SLC9A9: variants seen among roughly 807,000 people sequenced by gnomAD.
SLC9A9 encodes sodium/hydrogen exchanger 9.
In SLC9A9, 62 loss-of-function variants were observed where a neutral mutation model predicts 77.8. The observed-to-expected ratio is 0.80, with a 90% CI of 0.65 to 0.98. SLC9A9 has a LOEUF of 0.98. SLC9A9 is among the 50% of genes least tolerant of loss of function. The probability of loss-of-function intolerance (pLI) is 0.00; values close to 1 mark genes in which losing one functional copy is unlikely to be tolerated. For missense variants in SLC9A9, 775 were observed against 774.9 expected, an observed-to-expected ratio of 1.00 and a Z score of 0.00; for synonymous variants, 320 against 283.5, an observed-to-expected ratio of 1.13 and a Z score of -1.29.
intron 12 of SLC9A9, among the ~76,000 whole-genome samples, chr3:143,394,599 C>T (rs1364911448): frequency 6.6e-6 from 1 of 152,114 alleles, no homozygotes; most frequent in African/African-American, 2.4e-5. Flanking sequence ...AAGTTCTGGC[C>T]AGGGCAATCA....
At chr3:143,693,782 T>A (rs1933549170) in intron 4 of SLC9A9, among the ~76,000 whole-genome samples, 2 of 152,144 alleles carry the variant, frequency 1.3e-5, no homozygotes, top group South Asian at 2.1e-4. Context: ...AGTCACTTTA[T>A]AATAGATGAG....
intron 6 of SLC9A9, among the ~76,000 whole-genome samples, chr3:143,641,258 T>C (rs1254685366): frequency 6.6e-6 from 1 of 152,144 alleles, no homozygotes; most frequent in African/African-American, 2.4e-5. Flanking sequence ...ACTTTACCAG[T>C]TTCCTAATAA....
intron 6 of SLC9A9, among the ~76,000 whole-genome samples, chr3:143,584,968 G>T (rs1303831653): frequency 6.6e-6 from 1 of 152,212 alleles, no homozygotes; most frequent in Non-Finnish European, 1.5e-5. Flanking sequence ...GCCTGGAGGA[G>T]GGCTGGGGAG....
chr3:143,844,997 CT>C (rs1218650196), intron 1 of SLC9A9, among the ~76,000 whole-genome samples: 1 of 152,084 alleles, frequency 6.6e-6, no homozygotes, highest in Non-Finnish European at 1.5e-5. Context: ...TGAAAATTCA[CT>C]CTTTTAGACC....
At chr3:143,617,954 A>G (rs1189882353) in intron 6 of SLC9A9, among the ~76,000 whole-genome samples, 18 of 151,556 alleles carry the variant, frequency 1.2e-4, no homozygotes. Flanking sequence ...AGAATGGACT[A>G]CAGGAGAGAG....
rs201830375 is a variant in SLC9A9 at position 143,498,679 on chromosome 3, TA to T, written c.1090-3232del. The stretch of plus-strand genomic sequence containing the variant: ...TATCATATGTTTATAATTTAAGATT[TA>T]AAAAAAAAATTAACAGCATCCCAGA... On this transcript the variant is annotated intron_variant, in intron 9 of 15. Coordinates refer to ENST00000316549, the MANE Select transcript of SLC9A9 (RefSeq NM_173653.4). Among the ~76,000 whole-genome samples the T allele has an allele frequency of 2.1e-3, 319 of 150,798 alleles. 2 individuals are homozygous for T. The highest frequency in any genetic ancestry group is 3.9e-3 in the Non-Finnish European group (265 of 67,576).
chr3:143,630,076 C>G (rs1232264003), intron 6 of SLC9A9, among the ~76,000 whole-genome samples: 1 of 151,998 alleles, frequency 6.6e-6, no homozygotes, highest in African/African-American at 2.4e-5. Context: ...ATTCAACAAC[C>G]ATTTATCCTC....
At chr3:143,556,808 C>T (rs1310954676) in intron 8 of SLC9A9, among the ~76,000 whole-genome samples, 22 of 152,092 alleles carry the variant, frequency 1.4e-4, no homozygotes, top group Admixed American at 1.2e-3. Context: ...TCTTTCTAAA[C>T]TTTGATAGTT....
At chr3:143,800,428 G>A (rs143557068) in intron 2 of SLC9A9, among the ~76,000 whole-genome samples, 160 of 152,224 alleles carry the variant, frequency 1.1e-3, no homozygotes, top group African/African-American at 3.5e-3. Context: ...CAGGATCTGC[G>A]CCTTATGAAC....
chr3:143,638,029 A>T (rs950508287), intron 6 of SLC9A9, among the ~76,000 whole-genome samples: 1 of 152,240 alleles, frequency 6.6e-6, no homozygotes, highest in African/African-American at 2.4e-5. Context: ...GTGAACAGCT[A>T]TAAGAACAAT....
intron 12 of SLC9A9, among the ~76,000 whole-genome samples, chr3:143,450,346 A>G (rs2034983624): frequency 6.6e-6 from 1 of 150,810 alleles, no homozygotes; most frequent in East Asian, 1.9e-4. Flanking sequence ...TTGAAAACAT[A>G]AACTCAAAAG....
rs2039062452 is a variant in SLC9A9 at position 143,666,119 on chromosome 3, CA to C, written c.650-13760del. Among the ~76,000 whole-genome samples the C allele has an allele frequency of 2.0e-5, 3 of 152,292 alleles. No homozygotes were observed. The South Asian group carries it at 6.2e-4, about 32-fold the overall frequency. On this transcript the variant is annotated intron_variant, in intron 5 of 15. Coordinates refer to ENST00000316549, the MANE Select transcript of SLC9A9 (RefSeq NM_173653.4). ...TGTCAAACTGAATCCAGCAGCACAT[CA>C]AAAAGCTTATCCACCACGATCAAGT...
At chr3:143,423,023 A>G (rs1216339999) in intron 12 of SLC9A9, among the ~76,000 whole-genome samples, 1 of 152,088 alleles carries the variant, frequency 6.6e-6, no homozygotes, top group East Asian at 1.9e-4. Flanking sequence ...GTGGCACGCA[A>G]TATAGTAGAA....
intron 9 of SLC9A9, among the ~76,000 whole-genome samples, chr3:143,543,142 T>C (rs1037246271): frequency 2.0e-5 from 3 of 152,256 alleles, no homozygotes; most frequent in Non-Finnish European, 4.4e-5. Context: ...ATTATCTCTA[T>C]GCCTAAAAGG....
At chr3:143,743,197 AGATGGATAGATGGATG>A (rs897747956) in intron 4 of SLC9A9, among the ~76,000 whole-genome samples, 1 of 148,220 alleles carries the variant, frequency 6.7e-6, no homozygotes, top group African/African-American at 2.5e-5. Context: ...ATGGATGGAT[AGATGGATAGATGGATG>A]GATGGATGGA....
intron 12 of SLC9A9, among the ~76,000 whole-genome samples, chr3:143,444,401 G>T (rs1355478311): frequency 2.6e-5 from 4 of 152,154 alleles, no homozygotes; most frequent in Non-Finnish European, 5.9e-5. Context: ...CCAGGCAGAT[G>T]CAACCAGCCC....
chr3:143,534,673 G>A (rs148454091), intron 9 of SLC9A9, among the ~76,000 whole-genome samples: 2 of 152,318 alleles, frequency 1.3e-5, no homozygotes, highest in African/African-American at 4.8e-5. Flanking sequence ...TGCGCCCCAT[G>A]TGCTGACCAA....
At chr3:143,565,099 G>T (rs562507433) in intron 8 of SLC9A9, among the ~76,000 whole-genome samples, 2 of 152,244 alleles carry the variant, frequency 1.3e-5, no homozygotes, top group East Asian at 3.9e-4. Context: ...CACCCCAGAA[G>T]TCCAGGCCAG....
At chr3:143,393,726 A>C (rs560515625) in intron 12 of SLC9A9, among the ~76,000 whole-genome samples, 17 of 152,188 alleles carry the variant, frequency 1.1e-4, no homozygotes, top group African/African-American at 3.9e-4. Context: ...AGAAGAAAAG[A>C]GAGAAGAATC....
Sources: gnomAD v4.1 joint callset for allele counts (sites outside exome capture counted in the v4.1 genomes callset) on GRCh38, gnomAD v4.1.1 for gene constraint, MANE v1.5 for transcripts, NCBI Gene and HGNC (gene_info 2026-07-23, HGNC 2026-07-21) for gene names.